RBMS3: variants seen among roughly 807,000 people sequenced by gnomAD.
The protein encoded by RBMS3 is RNA binding motif single stranded interacting protein 3.
Under a neutral mutation model 66.8 loss-of-function variants are expected in RBMS3, and 27 were observed. The ratio of observed to expected loss-of-function variants is 0.40; its 90% CI spans 0.30 to 0.56. The LOEUF (loss-of-function observed/expected upper bound fraction) is 0.56, where lower values mean the gene tolerates loss of function less well. RBMS3 is among the 20% of genes least tolerant of loss of function. The pLI is 0.40. For missense variants in RBMS3, 513 were observed against 549.5 expected (o/e 0.93, Z 0.66); for synonymous variants, 188 against 183.0 (o/e 1.03, Z -0.22).
chr3:29,362,428 C>T (rs2037653744), intron 1 of RBMS3, among the ~76,000 whole-genome samples: 1 of 152,180 alleles, frequency 6.6e-6, no homozygotes, highest in Non-Finnish European at 1.5e-5. Context: ...CAGAGGAGTA[C>T]CCGGCCTTGT....
intron 4 of RBMS3, among the ~76,000 whole-genome samples, chr3:29,661,502 A>C (rs1205487535): frequency 6.6e-6 from 1 of 152,148 alleles, no homozygotes; most frequent in Non-Finnish European, 1.5e-5. Flanking sequence ...GCAGTGTCTT[A>C]GGATTCCTGC....
At chr3:29,812,843 C>T (rs570201044) in intron 6 of RBMS3, among the ~76,000 whole-genome samples, 1 of 152,004 alleles carries the variant, frequency 6.6e-6, no homozygotes, top group Non-Finnish European at 1.5e-5. Context: ...GATGGTAGAA[C>T]ATATAAATAA....
intron 4 of RBMS3, among the ~76,000 whole-genome samples, chr3:29,728,045 T>G (rs2053959259): frequency 6.6e-6 from 1 of 152,194 alleles, no homozygotes; most frequent in Non-Finnish European, 1.5e-5. Context: ...AATGAGTTCA[T>G]GTCCTTTGCG....
intron 8 of RBMS3, among the ~76,000 whole-genome samples, chr3:29,895,649 G>C (rs2060109176): frequency 6.6e-6 from 1 of 151,454 alleles, no homozygotes; most frequent in South Asian, 2.1e-4. Flanking sequence ...AAGGACATTT[G>C]GGTTGTTTCC....
intron 4 of RBMS3, among the ~76,000 whole-genome samples, chr3:29,724,675 T>A (rs1327420723): frequency 6.6e-6 from 1 of 152,200 alleles, no homozygotes; most frequent in African/African-American, 2.4e-5. Flanking sequence ...CAGTGTCTTT[T>A]ACATTTTAAA....
rs146779613 is a variant in RBMS3 at position 29,692,908 on chromosome 3, T to A, written c.400-46812T>A. Among the ~76,000 whole-genome samples, 14 of 152,336 alleles carry A rather than the reference T, an allele frequency of 9.2e-5. No homozygotes were observed. In the East Asian group the frequency reaches 2.7e-3, roughly 29 times the overall value. The stretch of plus-strand genomic sequence containing the variant: ...CTTATATTTGCTTTAAAAATGTACA[T>A]TGTGCTCATTTATGTTTTGGTACGG... On this transcript the variant is annotated intron_variant, in intron 4 of 14. Coordinates refer to ENST00000383767, the MANE Select transcript of RBMS3 (RefSeq NM_001003793.3).
At chr3:29,537,780 G>A (rs2045623554) in intron 3 of RBMS3, 1 of 144,488 alleles carries the variant, frequency 6.9e-6, no homozygotes, top group African/African-American at 2.6e-5. Context: ...CTGTGACCGC[G>A]CTACTGCACT....
intron 1 of RBMS3, among the ~76,000 whole-genome samples, chr3:29,434,318 G>C (rs2041316047): frequency 6.6e-6 from 1 of 152,188 alleles, no homozygotes; most frequent in Non-Finnish European, 1.5e-5. Context: ...TTTCTTTGGA[G>C]AAAAGGAGGG....
At chr3:29,613,932 A>G (rs1404360120) in intron 4 of RBMS3, among the ~76,000 whole-genome samples, 1 of 152,150 alleles carries the variant, frequency 6.6e-6, no homozygotes, top group African/African-American at 2.4e-5. Context: ...TTTTTGAAAA[A>G]TTAAAAATTG....
At position 30,008,581 on chromosome 3, in the gene RBMS3, G is replaced by T. The variant is rs1241568872; in HGVS notation, c.*4719G>T. On this transcript the variant is annotated 3_prime_UTR_variant, in exon 15 of 15. Transcript: ENST00000383767. Reference sequence around the variant, plus strand: ...CATGCTTCAAAATTTTGAGCTTACTGGGACTGACAGCCTCTCACTTCAATC... The same window carrying T: ...CATGCTTCAAAATTTTGAGCTTACTTGGACTGACAGCCTCTCACTTCAATC... 1 of 152,002 alleles carries T rather than the reference G, an allele frequency of 6.6e-6. No homozygotes were observed. The highest frequency in any genetic ancestry group is 2.4e-5 in the African/African-American group (1 of 41,396). 9.4% of individuals were successfully genotyped at this position (152,002 alleles called of 1,614,324 possible). A position where few individuals can be genotyped will look rare whatever the true frequency, so the allele number is the denominator to read the frequency against.
At chr3:29,583,326 A>C (rs2047397655) in intron 3 of RBMS3, among the ~76,000 whole-genome samples, 2 of 152,092 alleles carry the variant, frequency 1.3e-5, no homozygotes, top group African/African-American at 4.8e-5. Context: ...GGGAGCCATA[A>C]AATAAGAGGC....
At chr3:29,952,092 T>A (rs1430262006) in intron 12 of RBMS3, among the ~76,000 whole-genome samples, 1 of 151,830 alleles carries the variant, frequency 6.6e-6, no homozygotes, top group African/African-American at 2.4e-5. Flanking sequence ...AACATGACTG[T>A]GTGAAAATGA....
intron 8 of RBMS3, among the ~76,000 whole-genome samples, chr3:29,886,113 AT>A (rs2059863493): frequency 6.6e-6 from 1 of 151,920 alleles, no homozygotes; most frequent in African/African-American, 2.4e-5. Context: ...AAATAAAGAC[AT>A]TAGTCACATG....
intron 1 of RBMS3, among the ~76,000 whole-genome samples, chr3:29,382,208 T>C (rs903525518): frequency 4.6e-5 from 7 of 152,118 alleles, no homozygotes; most frequent in Admixed American, 4.6e-4. Context: ...GTTCCCATGT[T>C]GTCTTAGTCA....
intron 8 of RBMS3, among the ~76,000 whole-genome samples, chr3:29,890,002 T>C (rs1281951592): frequency 6.6e-6 from 1 of 151,666 alleles, no homozygotes; most frequent in Non-Finnish European, 1.5e-5. Flanking sequence ...AGATGGAATT[T>C]TGGAAGGCTT....
At chr3:29,305,045 C>T (rs899944113) in intron 1 of RBMS3, among the ~76,000 whole-genome samples, 7 of 151,880 alleles carry the variant, frequency 4.6e-5, no homozygotes, top group Non-Finnish European at 8.8e-5. Flanking sequence ...ATTCCAGTCA[C>T]GATGGCCTTC....
At chr3:29,485,942 TA>T (rs2043301944) in intron 2 of RBMS3, among the ~76,000 whole-genome samples, 1 of 152,186 alleles carries the variant, frequency 6.6e-6, no homozygotes, top group Non-Finnish European at 1.5e-5. Flanking sequence ...TAAATGAGGT[TA>T]TATACCTGAA....
intron 1 of RBMS3, among the ~76,000 whole-genome samples, chr3:29,302,036 G>T (rs897963760): frequency 2.6e-5 from 4 of 151,926 alleles, no homozygotes; most frequent in African/African-American, 9.7e-5. Flanking sequence ...TTTGAAGACA[G>T]TCTTACTCTG....
At chr3:29,781,508 C>A (rs2056630586) in intron 6 of RBMS3, among the ~76,000 whole-genome samples, 1 of 152,064 alleles carries the variant, frequency 6.6e-6, no homozygotes, top group Admixed American at 6.5e-5. Context: ...ACTTTTAGTG[C>A]TAAATCAATG....
Sources: gnomAD v4.1 joint callset for allele counts (sites outside exome capture counted in the v4.1 genomes callset) on GRCh38, gnomAD v4.1.1 for gene constraint, MANE v1.5 for transcripts, NCBI Gene and HGNC (gene_info 2026-07-23, HGNC 2026-07-21) for gene names.